The following CA10 variants were observed in gnomAD, a reference collection of about 807,000 sequenced individuals.
CA10 encodes carbonic anhydrase-related protein 10.
CA10 carries 14 observed loss-of-function variants against 44.2 expected under a neutral mutation model. The ratio of observed to expected loss-of-function variants is 0.32; its 90% CI spans 0.21 to 0.50. The LOEUF is 0.50. CA10 is among the 20% of genes least tolerant of loss of function. The pLI is 0.99. For missense variants in CA10, 350 were observed against 409.7 expected (o/e 0.85, Z 1.26); for synonymous variants, 159 against 141.6 (o/e 1.12, Z -0.87).
chr17:51,678,887 C>A (rs1227446460), intron 4 of CA10, among the ~76,000 whole-genome samples: 2 of 152,172 alleles, frequency 1.3e-5, no homozygotes, highest in South Asian at 2.1e-4. Context: ...CCCTCTCCTT[C>A]CCTAATGGAT....
chr17:51,930,252 A>G (rs986634616), intron 3 of CA10, among the ~76,000 whole-genome samples: 2 of 152,110 alleles, frequency 1.3e-5, no homozygotes, highest in African/African-American at 4.8e-5. Context: ...ATTACCTTTG[A>G]ACACAATTTT....
At chr17:51,663,196 G>A (rs1914071190) in intron 4 of CA10, among the ~76,000 whole-genome samples, 1 of 2,754 alleles carries the variant, frequency 3.6e-4, no homozygotes, top group African/African-American at 1.6e-3. Flanking sequence ...GTTCCGTGAT[G>A]CTTTTTTTTT....
At chr17:51,962,693 C>A (rs1337293177) in intron 2 of CA10, among the ~76,000 whole-genome samples, 3 of 152,010 alleles carry the variant, frequency 2.0e-5, no homozygotes, top group Admixed American at 2.0e-4. Flanking sequence ...TGGTCACACC[C>A]CACAGGGAGT....
chr17:51,700,719 A>G (rs1336721621), intron 4 of CA10, among the ~76,000 whole-genome samples: 1 of 152,162 alleles, frequency 6.6e-6, no homozygotes, highest in African/African-American at 2.4e-5. Flanking sequence ...GTCGCCTAAC[A>G]TTCCGTAAGT....
chr17:51,872,341 T>C (rs1979857431), intron 3 of CA10, among the ~76,000 whole-genome samples: 1 of 152,186 alleles, frequency 6.6e-6, no homozygotes, highest in African/African-American at 2.4e-5. Flanking sequence ...CTTGAATCAC[T>C]AAAAGTTTGT....
intron 4 of CA10, among the ~76,000 whole-genome samples, chr17:51,731,339 T>A (rs1356015587): frequency 6.6e-6 from 1 of 152,028 alleles, no homozygotes; most frequent in Admixed American, 6.5e-5. Context: ...ATTGTACCAC[T>A]GCACTCCAGC....
intron 2 of CA10, among the ~76,000 whole-genome samples, chr17:51,947,212 C>T (rs1307869747): frequency 8.6e-6 from 1 of 115,942 alleles, no homozygotes; most frequent in Non-Finnish European, 1.7e-5. Context: ...TTTTGGAATG[C>T]ATCTTCATGT....
intron 3 of CA10, among the ~76,000 whole-genome samples, chr17:51,827,001 C>T (rs1409618193): frequency 2.0e-5 from 3 of 152,298 alleles, no homozygotes; most frequent in African/African-American, 7.2e-5. Context: ...TAAGTGCTAT[C>T]ATTTCCTACT....
chr17:52,147,380 T>C (rs1989611411), intron 1 of CA10, among the ~76,000 whole-genome samples: 1 of 151,796 alleles, frequency 6.6e-6, no homozygotes, highest in African/African-American at 2.4e-5. Context: ...AACCAAGGCA[T>C]AAACACAACT....
intron 6 of CA10, among the ~76,000 whole-genome samples, chr17:51,645,124 A>G (rs536901843): frequency 2.6e-5 from 4 of 151,942 alleles, no homozygotes; most frequent in South Asian, 4.2e-4. Context: ...AATATATCCA[A>G]TTATTTCTCA....
intron 4 of CA10, among the ~76,000 whole-genome samples, chr17:51,678,803 T>C (rs1445064491): frequency 6.6e-6 from 1 of 152,200 alleles, no homozygotes; most frequent in Non-Finnish European, 1.5e-5. Context: ...CAATTTGGGA[T>C]GATCTGAAGT....
intron 4 of CA10, among the ~76,000 whole-genome samples, chr17:51,668,725 C>T (rs975783056): frequency 1.2e-4 from 18 of 152,152 alleles, no homozygotes; most frequent in South Asian, 1.0e-3. Flanking sequence ...CCTCTCTGGG[C>T]TGGCTGAGGC....
chr17:51,901,215 G>A (rs1981299891), intron 3 of CA10, among the ~76,000 whole-genome samples: 1 of 151,938 alleles, frequency 6.6e-6, no homozygotes, highest in Admixed American at 6.6e-5. Context: ...TGATGCCTGT[G>A]GGTGTTTGAT....
chr17:51,934,913 A>T (rs907854924), intron 2 of CA10, among the ~76,000 whole-genome samples: 11 of 152,088 alleles, frequency 7.2e-5, no homozygotes, highest in African/African-American at 2.4e-4. Context: ...GATTCTAGGG[A>T]AATGGTTTAG....
intron 1 of CA10, among the ~76,000 whole-genome samples, chr17:52,128,328 C>T (rs111289333): frequency 1.3e-5 from 2 of 152,240 alleles, no homozygotes; most frequent in African/African-American, 4.8e-5. Flanking sequence ...AAGACCATTT[C>T]AAAAAATACA....
At chr17:51,941,011 A>G (rs763191854) in intron 2 of CA10, among the ~76,000 whole-genome samples, 1 of 152,186 alleles carries the variant, frequency 6.6e-6, no homozygotes, top group Non-Finnish European at 1.5e-5. Flanking sequence ...GAAAGAAGGT[A>G]GATTTACATC....
At chr17:52,067,367 G>A (rs1313556464) in intron 2 of CA10, among the ~76,000 whole-genome samples, 3 of 152,258 alleles carry the variant, frequency 2.0e-5, no homozygotes, top group Non-Finnish European at 1.5e-5. Context: ...GTGCACAGAA[G>A]CCAAGAACTG....
At chr17:52,043,841 T>A (rs1414571008) in intron 2 of CA10, among the ~76,000 whole-genome samples, 3 of 152,180 alleles carry the variant, frequency 2.0e-5, no homozygotes, top group Admixed American at 6.5e-5. Flanking sequence ...CATTCTGTTA[T>A]GTGGTACATC....
At chr17:52,114,283 G>A (rs1054043087) in intron 1 of CA10, among the ~76,000 whole-genome samples, 1 of 152,126 alleles carries the variant, frequency 6.6e-6, no homozygotes, top group Admixed American at 6.5e-5. Flanking sequence ...GACCACTAGA[G>A]TTCTTATTTT....
Sources: gnomAD v4.1 joint callset for allele counts (sites outside exome capture counted in the v4.1 genomes callset) on GRCh38, gnomAD v4.1.1 for gene constraint, MANE v1.5 for transcripts, NCBI Gene and HGNC (gene_info 2026-07-23, HGNC 2026-07-21) for gene names.